KIF2A: variants seen among roughly 807,000 people sequenced by gnomAD.
The protein encoded by KIF2A is kinesin family member 2A.
KIF2A carries 22 observed loss-of-function variants against 100.2 expected under a neutral mutation model. The observed-to-expected ratio is 0.22, with a 90% CI of 0.16 to 0.31. KIF2A has a LOEUF of 0.31. Ranked by LOEUF, KIF2A falls within the 10% of genes least tolerant of loss-of-function variation. The pLI, the probability that KIF2A is intolerant of heterozygous loss-of-function variation, is 1.00. For synonymous variants in KIF2A, 268 were observed against 285.9 expected, an observed-to-expected ratio of 0.94 and a Z score of 0.63; for missense variants, 495 against 898.7, an observed-to-expected ratio of 0.55 and a Z score of 5.74.
chr5:62,387,307 C>A lies in KIF2A; in HGVS notation c.*1738C>A, dbSNP rs960287143. 1 of 152,084 alleles carries A rather than the reference C, an allele frequency of 6.6e-6. No individual in the cohort carries two copies. The highest frequency in any genetic ancestry group is 1.9e-4 in the East Asian group (1 of 5,204). 9.4% of individuals were successfully genotyped at this position (152,084 alleles called of 1,614,324 possible). ...GAAGAGGAAGGATGGAGAACTGTTA[C>A]AATTGACCTTGCAAAGGATATTTAA... On this transcript the variant is annotated 3_prime_UTR_variant, in exon 21 of 21. Transcript: ENST00000407818.
At chr5:62,324,277 C>T (rs558600484) in intron 1 of KIF2A, among the ~76,000 whole-genome samples, 3 of 152,044 alleles carry the variant, frequency 2.0e-5, no homozygotes, top group Admixed American at 6.6e-5. Context: ...TTAAAATGGC[C>T]GTACTGCCCA....
intron 18 of KIF2A, among the ~76,000 whole-genome samples, chr5:62,375,443 C>T (rs1031324757): frequency 5.9e-5 from 9 of 152,144 alleles, no homozygotes; most frequent in African/African-American, 2.2e-4. Context: ...TACTTTATAA[C>T]TGATATTCTG....
At chr5:62,322,637 A>G (rs937963740) in intron 1 of KIF2A, among the ~76,000 whole-genome samples, 1 of 152,162 alleles carries the variant, frequency 6.6e-6, no homozygotes, top group Non-Finnish European at 1.5e-5. Context: ...AAGGCCTTGA[A>G]ATACCTTGCA....
At chr5:62,326,129 T>TAA (rs369094625) in intron 1 of KIF2A, among the ~76,000 whole-genome samples, 1 of 151,030 alleles carries the variant, frequency 6.6e-6, no homozygotes, top group African/African-American at 2.4e-5. Flanking sequence ...AAATAAAAGT[T>TAA]AAAAAAAAAT....
At chr5:62,357,035 C>G (rs1423650422) in intron 7 of KIF2A, among the ~76,000 whole-genome samples, 1 of 151,604 alleles carries the variant, frequency 6.6e-6, no homozygotes, top group Non-Finnish European at 1.5e-5. Context: ...ATCCACCCAC[C>G]TTAGCCTCCC....
At chr5:62,317,408 T>C (rs1458161635) in intron 1 of KIF2A, among the ~76,000 whole-genome samples, 1 of 152,212 alleles carries the variant, frequency 6.6e-6, no homozygotes, top group Non-Finnish European at 1.5e-5. Context: ...AGGTACATCT[T>C]AGAATTTAAC....
At chr5:62,319,190 A>C (rs529539783) in intron 1 of KIF2A, among the ~76,000 whole-genome samples, 1 of 135,326 alleles carries the variant, frequency 7.4e-6, no homozygotes, top group Admixed American at 7.4e-5. Flanking sequence ...ACAACAACAA[A>C]AAACCCAAAA....
Position 62,386,753 on chromosome 5 carries a change from C to A in KIF2A, c.*1184C>A, listed in dbSNP as rs1742045868. On this transcript the variant is annotated 3_prime_UTR_variant, in exon 21 of 21. Transcript: ENST00000407818. ...GTTGTTTGGTGAGAATCGCCAAATT[C>A]TCACTAATACATTGGTATGGTGTAG... Among the ~76,000 whole-genome samples the A allele has an allele frequency of 6.6e-6, 1 of 152,194 alleles. No homozygotes were observed. The highest frequency in any genetic ancestry group is 2.4e-5 in the African/African-American group (1 of 41,454).
At chr5:62,339,143 C>CA (rs1475160703) in intron 1 of KIF2A, among the ~76,000 whole-genome samples, 1 of 152,158 alleles carries the variant, frequency 6.6e-6, no homozygotes, top group African/African-American at 2.4e-5. Flanking sequence ...TTGCAGGAAG[C>CA]ATGATGCTGG....
intron 5 of KIF2A, 32 bp from the exon 6 acceptor site, chr5:62,353,243 C>T: frequency 7.8e-7 from 1 of 1,277,362 alleles, no homozygotes; most frequent in Admixed American, 3.0e-5. Context: ...AAAAAGAAAA[C>T]TATACTTCTA....
At chr5:62,307,404 A>G (rs1745363010) in intron 1 of KIF2A, among the ~76,000 whole-genome samples, 1 of 151,896 alleles carries the variant, frequency 6.6e-6, no homozygotes, top group African/African-American at 2.4e-5. Context: ...AGGCTTATGT[A>G]TCTTTCTCTA....
At chr5:62,384,390 G>C (rs1481700744) in intron 20 of KIF2A, among the ~76,000 whole-genome samples, 1 of 152,190 alleles carries the variant, frequency 6.6e-6, no homozygotes, top group East Asian at 1.9e-4. Context: ...ACTTTATTCT[G>C]AAGTCTACAG....
chr5:62,381,004 T>C (rs895802826), intron 19 of KIF2A, 114 bp from the exon 20 acceptor site: 2 of 762,880 alleles, frequency 2.6e-6, no homozygotes, highest in Admixed American at 2.8e-5. Flanking sequence ...TTTATGTCTA[T>C]TGACATTTTA....
At position 62,363,249 on chromosome 5, in the gene KIF2A, G is replaced by A. The variant is rs1740895878; in HGVS notation, c.1191G>A (p.Val397=). The A allele has an allele frequency of 1.2e-6, 2 of 1,613,370 alleles. No individual in the cohort carries two copies. The highest frequency in any genetic ancestry group is 2.2e-5 in the East Asian group (1 of 44,854). The change falls in exon 13 of 21, where the codon GTG becomes GTA. Residue 397 remains valine (V), a synonymous_variant. Coordinates refer to ENST00000407818, the MANE Select transcript of KIF2A (RefSeq NM_001098511.3). ...LEDGKQQVQV[V]GLQEREVKCV... ...ATGGAAAACAGCAGGTTCAAGTGGT[G>A]GGATTACAGGAACGGGAGGTCAAAT...
At chr5:62,322,238 A>T (rs1038406864) in intron 1 of KIF2A, among the ~76,000 whole-genome samples, 3 of 151,990 alleles carry the variant, frequency 2.0e-5, no homozygotes, top group Non-Finnish European at 4.4e-5. Context: ...GTCAATATTT[A>T]TTTTTTTATT....
At chr5:62,333,303 A>C (rs1184696156) in intron 1 of KIF2A, among the ~76,000 whole-genome samples, 1 of 152,210 alleles carries the variant, frequency 6.6e-6, no homozygotes, top group African/African-American at 2.4e-5. Flanking sequence ...GCTATTCTGC[A>C]GGGTTTGCCT....
At chr5:62,373,502 G>A (rs561078270) in intron 17 of KIF2A, among the ~76,000 whole-genome samples, 185 bp from the exon 18 acceptor site, 8 of 152,092 alleles carry the variant, frequency 5.3e-5, no homozygotes, top group African/African-American at 1.4e-4. Flanking sequence ...AGTTACCTAA[G>A]CAGATTTCCT....
intron 10 of KIF2A, 54 bp downstream of exon 10, chr5:62,361,386 T>G: frequency 6.9e-7 from 1 of 1,457,972 alleles, no homozygotes; most frequent in South Asian, 1.2e-5. Context: ...TTCTTTTCCT[T>G]ATAGCTTAAT....
intron 19 of KIF2A, among the ~76,000 whole-genome samples, chr5:62,378,663 A>G (rs544551772): frequency 1.3e-5 from 2 of 152,336 alleles, no homozygotes; most frequent in South Asian, 4.1e-4. Context: ...CATGCCTGTA[A>G]TACCAGCACT....
Sources: gnomAD v4.1 joint callset for allele counts (sites outside exome capture counted in the v4.1 genomes callset) on GRCh38, gnomAD v4.1.1 for gene constraint, MANE v1.5 for transcripts, NCBI Gene and HGNC (gene_info 2026-07-23, HGNC 2026-07-21) for gene names.